The following RFX2 variants were observed in gnomAD, a reference collection of about 807,000 sequenced individuals.
RFX2 encodes the protein DNA-binding protein RFX2.
RFX2 carries 20 observed loss-of-function variants against 87.8 expected under a neutral mutation model. The observed-to-expected ratio is 0.23, with a 90% CI of 0.16 to 0.33. RFX2 has a LOEUF of 0.33. Ranked by LOEUF, RFX2 falls within the 10% of genes least tolerant of loss-of-function variation. RFX2 has a pLI of 1.00. For missense variants in RFX2, 767 were observed against 1,012.3 expected (o/e 0.76, Z 3.29); for synonymous variants, 397 against 431.3 (o/e 0.92, Z 0.98).
chr19:6,077,437 C>A (rs1472514901), intron 1 of RFX2, among the ~76,000 whole-genome samples: 1 of 152,150 alleles, frequency 6.6e-6, no homozygotes, highest in South Asian at 2.1e-4. Context: ...CCAAGAGGGG[C>A]GTGTGCCTCT....
Position 6,001,276 on chromosome 19 carries a change from C to G in RFX2, c.1859+539G>C, listed in dbSNP as rs1020121187. ...CAGTTCTGAGATAGCTTTGTTCCCC[C>G]CTTAGAGATGGGGTCTTGCTCTGTC... On this transcript the variant is annotated intron_variant, in intron 15 of 17. Coordinates refer to ENST00000303657, the MANE Select transcript of RFX2 (RefSeq NM_000635.4). This position sits in a 1 kb window ranked among gnomAD's most constrained non-coding sequence, Gnocchi z 5.6. Among the ~76,000 whole-genome samples, 5 of 152,276 alleles carry G rather than the reference C, an allele frequency of 3.3e-5. No individual in the cohort carries two copies. Among genetic ancestry groups the G allele is most frequent in the East Asian group, 1.9e-4 (1 of 5,172 alleles).
chr19:6,001,737 C>A lies in RFX2; in HGVS notation c.1859+78G>T. 7.6e-7 allele frequency: 1 copy of A among 1,307,740 alleles called. No individual in the cohort carries two copies. Among genetic ancestry groups the A allele is most frequent in the Non-Finnish European group, 1.1e-6 (1 of 951,310 alleles). The allele number at this position is 1,307,740 out of a possible 1,614,324, so 81.0% of individuals were successfully genotyped here. ...CCTGTTTTGCTCTGAGCTCACCAGC[C>A]GAGCCCCCTACCCTCTAGAAGTTTC... On this transcript the variant is annotated intron_variant, in intron 15 of 17. Coordinates refer to ENST00000303657, the MANE Select transcript of RFX2 (RefSeq NM_000635.4). This position sits in a 1 kb window ranked among gnomAD's most constrained non-coding sequence, Gnocchi z 5.6.
intron 1 of RFX2, among the ~76,000 whole-genome samples, chr19:6,059,961 T>C (rs1458947982): frequency 2.0e-5 from 3 of 152,082 alleles, no homozygotes; most frequent in Admixed American, 2.0e-4. Flanking sequence ...TAAAAAGTGA[T>C]GGGGGGGAGC....
chr19:6,044,205 C>T lies in RFX2; in HGVS notation c.168G>A (p.Gln56=). ...MQPISLPRVQ[Q]VPQQVQPVQH... is the part of the protein sequence containing the mutation. ...TGCTTGTCATTACCTGCTGGGGTAC[C>T]TGCTGAACTCTGGGGAGGGAGATCG... Residue 56 remains glutamine (Q), a synonymous_variant, in exon 3 of 18, where the codon CAG becomes CAA. Transcript: ENST00000303657. This position sits in a 1 kb window ranked among gnomAD's most constrained non-coding sequence, Gnocchi z 5.3. The T allele has an allele frequency of 6.4e-7, 1 of 1,568,968 alleles. No homozygotes were observed. Among genetic ancestry groups the T allele is most frequent in the Non-Finnish European group, 8.6e-7 (1 of 1,157,458 alleles).
In RFX2 at chr19:5,994,896, A is replaced by G; in HGVS notation, c.2111T>C (p.Leu704Pro). The stretch of plus-strand genomic sequence containing the variant: ...CTCCCGCTTTACCAGGGGCTCACCC[A>G]GGCTGCGGGCGTCTGGGCCCGCCTC... ...GSEAGPDARS[L>P]GEPLVKRERS... is the part of the protein sequence containing the mutation. The change falls in exon 18 of 18, where the codon CTG becomes CCG. Residue 704 changes from leucine (L) to proline (P), a missense_variant. By Grantham distance (98) the Leu-to-Pro change is moderately conservative. This residue lies in a region of RFX2 where 621 missense variants were observed against 873.0 expected (regional missense o/e 0.71). Transcript: ENST00000303657. 1 of 1,610,398 alleles carries G rather than the reference A, an allele frequency of 6.2e-7. No homozygotes were observed. Among genetic ancestry groups the G allele is most frequent in the Admixed American group, 1.7e-5 (1 of 60,020 alleles).
rs752081571 is a variant in RFX2, at chr19:6,020,698, C to T, written c.598-4427G>A. Among the ~76,000 whole-genome samples the T allele has an allele frequency of 5.1e-4, 77 of 152,324 alleles. No homozygotes were observed. Among genetic ancestry groups the T allele is most frequent in the Admixed American group, 1.4e-3 (22 of 15,306 alleles). On this transcript the variant is annotated intron_variant, in intron 6 of 17. Transcript: ENST00000303657. The surrounding 1 kb of genome is among the most constrained non-coding windows in gnomAD (Gnocchi z 5.3). ...CCCACCTCCCCTGCTCTTGAGGGCT[C>T]GGGTACCTTCATGCCAGGAAAGGCA...
chr19:6,013,194 T>C lies in RFX2; in HGVS notation c.780-89A>G, dbSNP rs1026662689. The C allele has an allele frequency of 2.6e-5, 34 of 1,328,930 alleles. No homozygotes were observed. Among genetic ancestry groups the C allele is most frequent in the Non-Finnish European group, 3.3e-5 (33 of 997,966 alleles). The allele number at this position is 1,328,930 out of a possible 1,614,324, so 82.3% of individuals were successfully genotyped here. On this transcript the variant is annotated intron_variant, in intron 7 of 17. Transcript: ENST00000303657. This position sits in a 1 kb window ranked among gnomAD's most constrained non-coding sequence, Gnocchi z 4.1. The stretch of plus-strand genomic sequence containing the variant: ...GGATTCTTTTTCTTTCTTTCTTCTT[T>C]TTTTTTTTTGAGACAGAATCTCATT...
At position 6,037,466 on chromosome 19, in the gene RFX2, T is replaced by C. The variant is rs545683838; in HGVS notation, c.522+2514A>G. 2.0e-4 allele frequency among the ~76,000 whole-genome samples: 31 copies of C among 152,258 alleles called. 1 individual carries two copies. In the Middle Eastern group the frequency reaches 0.027, roughly 134 times the overall value. ...TCTCCAAACATGAAATACTTTGATA[T>C]AAATCTAACAAAACATGTACAGAAT... On this transcript the variant is annotated intron_variant, in intron 5 of 17. Coordinates refer to ENST00000303657, the MANE Select transcript of RFX2 (RefSeq NM_000635.4).
chr19:6,005,237 T>C lies in RFX2; in HGVS notation c.1403-939A>G, dbSNP rs537487717. ...GGCAGACAGGCAAGGCCAGGCCAAA[T>C]GAGAAATGCAATACTTTTGCTGTTT... On this transcript the variant is annotated intron_variant, in intron 12 of 17. Transcript: ENST00000303657. Among the ~76,000 whole-genome samples the C allele has an allele frequency of 3.9e-5, 6 of 152,316 alleles. 1 individual carries two copies. The South Asian group carries it at 1.2e-3, about 32-fold the overall frequency.
chr19:5,995,600 C>A lies in RFX2; in HGVS notation c.2056+1G>T. The A allele has an allele frequency of 6.4e-7, 1 of 1,552,226 alleles. No homozygotes were observed. The highest frequency in any genetic ancestry group is 1.4e-5 in the African/African-American group (1 of 73,204). On this transcript the variant is annotated splice_donor_variant, in intron 17 of 17. Transcript: ENST00000303657. LOFTEE classifies it high-confidence loss of function. ...GGTGGGAAAGCCGCAGACGCACCTA[C>A]CTTTGTCGAGCAGCGTCAGCGACAG...
At position 6,006,166 on chromosome 19, in the gene RFX2, A is replaced by G. The variant is rs76584945; in HGVS notation, c.1402+846T>C. ...CTACGGCCCACAGCGGCTCTCACTT[A>G]GGGATTTTTTTTGAGACAGGGTCTT... On this transcript the variant is annotated intron_variant, in intron 12 of 17. Transcript: ENST00000303657. 4.5e-3 allele frequency among the ~76,000 whole-genome samples: 678 copies of G among 152,168 alleles called. 7 individuals carry two copies. In the East Asian group the frequency reaches 0.073, roughly 16 times the overall value.
At chr19:6,070,853 G>A (rs1203602532) in intron 1 of RFX2, among the ~76,000 whole-genome samples, 1 of 152,186 alleles carries the variant, frequency 6.6e-6, no homozygotes, top group Non-Finnish European at 1.5e-5. Flanking sequence ...GACTACAGGT[G>A]CACACCACCA....
chr19:6,006,975 G>A (rs898185368), intron 12 of RFX2, 37 bp downstream of exon 12: 1 of 1,607,062 alleles, frequency 6.2e-7, no homozygotes, highest in African/African-American at 1.3e-5. Flanking sequence ...AGGAAGAGAG[G>A]ATGGAGCAGC....
Position 6,039,949 on chromosome 19 carries a change from AC to A in RFX2, c.522+30del. 2 of 1,519,446 alleles carry A rather than the reference AC, an allele frequency of 1.3e-6. No homozygotes were observed. Among genetic ancestry groups the A allele is most frequent in the Non-Finnish European group, 1.8e-6 (2 of 1,123,112 alleles). 94.1% of individuals were successfully genotyped at this position (1,519,446 alleles called of 1,614,324 possible). On this transcript the variant is annotated intron_variant, in intron 5 of 17. Transcript: ENST00000303657. The surrounding 1 kb of genome is among the most constrained non-coding windows in gnomAD (Gnocchi z 5.2). ...GCTGCTTCGAGAATACTCATGGCCTACCCTGCTGGTCCCAAGAGCCTCCTAC... is the reference window on the plus strand; with the variant it reads ...GCTGCTTCGAGAATACTCATGGCCTACCTGCTGGTCCCAAGAGCCTCCTAC...
chr19:6,086,833 T>G (rs10425536), intron 1 of RFX2, among the ~76,000 whole-genome samples: 2,666 of 152,276 alleles, frequency 0.018, 75 homozygotes, highest in African/African-American at 0.06. Flanking sequence ...AAACATCACA[T>G]GGGCACCTCT....
Position 6,002,674 on chromosome 19 carries a change from T to C in RFX2, c.1650+47A>G. ...CACTTGGTGGGTTTGCTGGTTTTGCTGGAGGGCGGGAAGCCCGGGCCCTGG... is the reference window on the plus strand; with the variant it reads ...CACTTGGTGGGTTTGCTGGTTTTGCCGGAGGGCGGGAAGCCCGGGCCCTGG... On this transcript the variant is annotated intron_variant, in intron 14 of 17. Transcript: ENST00000303657. This position sits in a 1 kb window ranked among gnomAD's most constrained non-coding sequence, Gnocchi z 6.7. 2 of 1,604,162 alleles carry C rather than the reference T, an allele frequency of 1.2e-6. No homozygotes were observed. Among genetic ancestry groups the C allele is most frequent in the South Asian group, 2.2e-5 (2 of 90,490 alleles).
Position 6,026,085 on chromosome 19 carries a change from G to A in RFX2, c.597+78C>T. The A allele has an allele frequency of 8.1e-7, 1 of 1,237,308 alleles. No individual in the cohort carries two copies. 76.6% of individuals were successfully genotyped at this position (1,237,308 alleles called of 1,614,324 possible). A position where few individuals can be genotyped will look rare whatever the true frequency, so the allele number is the denominator to read the frequency against. ...CAGGTGTGAGCCACCGCACCTGGTT[G>A]CCTTCATTTGTCTTAAAAATGTCTA... On this transcript the variant is annotated intron_variant, in intron 6 of 17. Transcript: ENST00000303657. This position sits in a 1 kb window ranked among gnomAD's most constrained non-coding sequence, Gnocchi z 4.5.
At chr19:6,025,061 G>T (rs956121757) in intron 6 of RFX2, among the ~76,000 whole-genome samples, 18 of 152,200 alleles carry the variant, frequency 1.2e-4, no homozygotes, top group African/African-American at 4.1e-4. Flanking sequence ...TTAAGTGCTA[G>T]AGAGCAACTA....
rs116634364 is a variant in RFX2 at position 5,996,351 on chromosome 19, G to A, written c.2014-708C>T. Reference sequence around the variant, plus strand: ...CGGAGGGACGAGCGGTCAGCACAGCGCGGCCAGCCACGCACCGGAACACAA... The same window carrying A: ...CGGAGGGACGAGCGGTCAGCACAGCACGGCCAGCCACGCACCGGAACACAA... On this transcript the variant is annotated intron_variant, in intron 16 of 17. Transcript: ENST00000303657. Among the ~76,000 whole-genome samples the A allele has an allele frequency of 5.8e-3, 252 of 43,732 alleles. 1 individual carries two copies. Among genetic ancestry groups the A allele is most frequent in the African/African-American group, 0.026 (244 of 9,402 alleles). 28.7% of individuals were successfully genotyped at this position (43,732 alleles called of 152,430 possible).
Sources: gnomAD v4.1 joint callset for allele counts (sites outside exome capture counted in the v4.1 genomes callset) on GRCh38, gnomAD v4.1.1 for gene constraint, gnomAD v4.1.1 regional missense constraint, Gnocchi (gnomAD v3.1) non-coding constraint, MANE v1.5 for transcripts, NCBI Gene and HGNC (gene_info 2026-07-23, HGNC 2026-07-21) for gene names.